GPR158: variants seen among roughly 807,000 people sequenced by gnomAD.
GPR158 encodes the protein G protein-coupled receptor 158.
In GPR158, 30 loss-of-function variants were observed where a neutral mutation model predicts 78.2. The ratio of observed to expected loss-of-function variants is 0.38; its 90% CI spans 0.29 to 0.52. The LOEUF (loss-of-function observed/expected upper bound fraction) is 0.52. GPR158 is among the 20% of genes least tolerant of loss of function. The pLI, the probability that GPR158 is intolerant of heterozygous loss-of-function variation, is 0.83. For synonymous variants in GPR158, 581 were observed against 591.1 expected, an observed-to-expected ratio of 0.98 and a Z score of 0.25; for missense variants, 1,463 against 1,523.5, an observed-to-expected ratio of 0.96 and a Z score of 0.66.
chr10:25,388,456 C>T (rs1224530240), intron 2 of GPR158, among the ~76,000 whole-genome samples: 1 of 152,250 alleles, frequency 6.6e-6, no homozygotes, highest in East Asian at 1.9e-4. Context: ...CCCACGGGCC[C>T]ATAAGCACCA....
intron 5 of GPR158, among the ~76,000 whole-genome samples, chr10:25,489,162 A>G (rs1835771735): frequency 1.3e-5 from 2 of 152,178 alleles, no homozygotes; most frequent in African/African-American, 4.8e-5. Context: ...TGATTTTTCC[A>G]AAGTGGAACA....
At chr10:25,318,438 T>C (rs1854893884) in intron 2 of GPR158, among the ~76,000 whole-genome samples, 1 of 152,116 alleles carries the variant, frequency 6.6e-6, no homozygotes, top group South Asian at 2.1e-4. Context: ...GGATAGACGT[T>C]GTGTTTCTGA....
intron 2 of GPR158, among the ~76,000 whole-genome samples, chr10:25,333,432 A>G (rs1472767729): frequency 6.6e-6 from 1 of 152,162 alleles, no homozygotes; most frequent in Non-Finnish European, 1.5e-5. Flanking sequence ...CTGTAGTGCA[A>G]GGTTGTATAT....
chr10:25,498,900 G>A (rs1317848337), intron 5 of GPR158, among the ~76,000 whole-genome samples: 2 of 152,154 alleles, frequency 1.3e-5, no homozygotes, highest in Non-Finnish European at 2.9e-5. Context: ...ATTGAGACTG[G>A]AGCGCAATGA....
intron 2 of GPR158, among the ~76,000 whole-genome samples, chr10:25,258,405 G>T (rs1177427964): frequency 6.6e-6 from 1 of 152,028 alleles, no homozygotes; most frequent in Non-Finnish European, 1.5e-5. Context: ...AATTATTTTT[G>T]TAGCTTCTTT....
chr10:25,444,194 T>C (rs948252776), intron 4 of GPR158, among the ~76,000 whole-genome samples: 6 of 151,528 alleles, frequency 4.0e-5, no homozygotes, highest in Non-Finnish European at 7.4e-5. Context: ...CGTGTGTTTT[T>C]CTCAAAAACC....
At chr10:25,231,143 A>G (rs946782518) in intron 2 of GPR158, among the ~76,000 whole-genome samples, 1 of 152,230 alleles carries the variant, frequency 6.6e-6, no homozygotes, top group East Asian at 1.9e-4. Flanking sequence ...TGATAAAGCA[A>G]ACTATTATTC....
At chr10:25,568,245 T>C (rs1246053332) in intron 6 of GPR158, among the ~76,000 whole-genome samples, 1 of 152,168 alleles carries the variant, frequency 6.6e-6, no homozygotes, top group Non-Finnish European at 1.5e-5. Context: ...TGGGACTTGC[T>C]GGCATATAGA....
chr10:25,220,145 T>C (rs1853279269), intron 1 of GPR158, among the ~76,000 whole-genome samples: 1 of 152,194 alleles, frequency 6.6e-6, no homozygotes, highest in Admixed American at 6.5e-5. Context: ...ATACTTTACT[T>C]AAGTTTATGA....
intron 5 of GPR158, among the ~76,000 whole-genome samples, chr10:25,493,128 AAG>A (rs1227981078): frequency 6.6e-6 from 1 of 152,126 alleles, no homozygotes; most frequent in African/African-American, 2.4e-5. Flanking sequence ...CTTTCACGAG[AAG>A]AGAGTTTTGG....
chr10:25,239,317 G>C (rs564854266), intron 2 of GPR158, among the ~76,000 whole-genome samples: 2 of 152,172 alleles, frequency 1.3e-5, no homozygotes, highest in South Asian at 4.2e-4. Context: ...TAAAACAATA[G>C]GGGCCAGGCA....
intron 5 of GPR158, among the ~76,000 whole-genome samples, chr10:25,479,776 T>C (rs560817189): frequency 3.3e-5 from 5 of 152,204 alleles, no homozygotes; most frequent in Non-Finnish European, 7.3e-5. Flanking sequence ...TATATAGATT[T>C]AAGACCCCTT....
At chr10:25,286,315 G>A (rs1240252576) in intron 2 of GPR158, among the ~76,000 whole-genome samples, 1 of 151,614 alleles carries the variant, frequency 6.6e-6, no homozygotes, top group African/African-American at 2.4e-5. Flanking sequence ...ACTTTCTATT[G>A]GCCTGTCTCT....
chr10:25,449,635 T>G (rs1335931305), intron 4 of GPR158, among the ~76,000 whole-genome samples: 1 of 152,110 alleles, frequency 6.6e-6, no homozygotes, highest in Non-Finnish European at 1.5e-5. Flanking sequence ...GGAAATAAAA[T>G]AGGAGGAAAA....
rs1014957040 is a variant in GPR158, at chr10:25,208,355, A to C, written c.903-12697A>C. ...CTTTGTCTCAATTACCTACAGCGTT[A>C]TAATTGAAAGAGAAGGAGGAAAACA... On this transcript the variant is annotated intron_variant, in intron 1 of 10. Transcript: ENST00000376351. 7.2e-5 allele frequency among the ~76,000 whole-genome samples: 11 copies of C among 152,364 alleles called. No individual in the cohort carries two copies. The East Asian group carries it at 2.1e-3, about 29-fold the overall frequency.
At chr10:25,490,976 G>T (rs1311397438) in intron 5 of GPR158, among the ~76,000 whole-genome samples, 1 of 151,856 alleles carries the variant, frequency 6.6e-6, no homozygotes, top group Non-Finnish European at 1.5e-5. Context: ...GATGTTTATA[G>T]TGAAAATTTG....
chr10:25,443,115 T>TA (rs1835090322), intron 4 of GPR158, among the ~76,000 whole-genome samples: 1 of 152,046 alleles, frequency 6.6e-6, no homozygotes, highest in Non-Finnish European at 1.5e-5. Context: ...GACAGGGTAT[T>TA]ACTAGGTTAC....
At chr10:25,311,619 T>C (rs926254634) in intron 2 of GPR158, among the ~76,000 whole-genome samples, 1 of 152,118 alleles carries the variant, frequency 6.6e-6, no homozygotes, top group African/African-American at 2.4e-5. Flanking sequence ...CTTGTTTTTC[T>C]ATTCTAATGC....
intron 6 of GPR158, among the ~76,000 whole-genome samples, chr10:25,567,966 G>C (rs1440560204): frequency 6.6e-6 from 1 of 152,186 alleles, no homozygotes; most frequent in Admixed American, 6.5e-5. Context: ...AGATATTTAA[G>C]AGGTAGACAT....
Sources: allele counts gnomAD v4.1 joint callset (sites outside exome capture counted in the v4.1 genomes callset), GRCh38; gene constraint gnomAD v4.1.1; transcripts MANE v1.5; gene names NCBI Gene and HGNC (gene_info 2026-07-23, HGNC 2026-07-21).